The following ZNF638 variants were observed in gnomAD, a reference collection of about 807,000 sequenced individuals.
ZNF638 encodes CTCL tumor antigen se33-1.
In ZNF638, 46 loss-of-function variants were observed where a neutral mutation model predicts 195.6. The ratio of observed to expected loss-of-function variants is 0.24; its 90% CI spans 0.19 to 0.30. ZNF638 has a LOEUF of 0.30. Among genes scored for constraint, ZNF638 ranks in the 10% least tolerant of loss-of-function variants. The pLI is 1.00. For missense variants in ZNF638, 2,440 were observed against 2,325.3 expected, an observed-to-expected ratio of 1.05 and a Z score of -1.01; for synonymous variants, 845 against 772.0, an observed-to-expected ratio of 1.09 and a Z score of -1.57.
At chr2:71,425,164 T>C (rs1291926022) in intron 23 of ZNF638, among the ~76,000 whole-genome samples, 2 of 152,226 alleles carry the variant, frequency 1.3e-5, no homozygotes, top group Non-Finnish European at 2.9e-5. Context: ...TACCAAGTTC[T>C]GTTGTCAAAC....
intron 20 of ZNF638, among the ~76,000 whole-genome samples, chr2:71,410,626 G>C (rs1384483404): frequency 6.6e-6 from 1 of 152,136 alleles, no homozygotes; most frequent in Admixed American, 6.6e-5. Flanking sequence ...TTTTAGTGGA[G>C]GAGATAGACT....
chr2:71,335,093 C>CT (rs1247489118), intron 1 of ZNF638, among the ~76,000 whole-genome samples: 1 of 152,176 alleles, frequency 6.6e-6, no homozygotes, highest in Non-Finnish European at 1.5e-5. Context: ...CACTCTTTCT[C>CT]TAAGGCCACC....
At chr2:71,406,421 C>T (rs2080106581) in intron 19 of ZNF638, among the ~76,000 whole-genome samples, 159 bp downstream of exon 19, 1 of 152,060 alleles carries the variant, frequency 6.6e-6, no homozygotes, top group African/African-American at 2.4e-5. Flanking sequence ...TTGGACTGGG[C>T]CGAGAAAGAA....
Position 71,396,201 on chromosome 2 carries a change from T to G in ZNF638, c.2428+10T>G, listed in dbSNP as rs1217252531. 6 of 1,608,722 alleles carry G rather than the reference T, an allele frequency of 3.7e-6. No individual in the cohort carries two copies. Among genetic ancestry groups the G allele is most frequent in the Non-Finnish European group, 5.1e-6 (6 of 1,177,616 alleles). Reference sequence around the variant, plus strand: ...GTAAACAAATCTACAGGTATGTTTTTTTAATTAGGATTCTAGACTATTAGT... The same window carrying G: ...GTAAACAAATCTACAGGTATGTTTTGTTAATTAGGATTCTAGACTATTAGT... On this transcript the variant is annotated intron_variant, in intron 11 of 27. Transcript: ENST00000264447.
In ZNF638 at chr2:71,426,721, C is replaced by G. The variant is rs749495882; in HGVS notation, c.4852C>G (p.Leu1618Val). The G allele has an allele frequency of 2.5e-6, 4 of 1,614,112 alleles. No homozygotes were observed. Among genetic ancestry groups the G allele is most frequent in the African/African-American group, 1.3e-5 (1 of 75,024 alleles). ...EDAAAHLAQA[L>V]VTVDEVIDEE... The stretch of plus-strand genomic sequence containing the variant: ...TGCAGCTGCACATCTAGCACAAGCT[C>G]TAGTCACTGTGGATGAAGTAATTGA... Residue 1618 changes from leucine to valine, a missense_variant, in exon 24 of 28, where the codon CTA becomes GTA. Leu to Val is a conservative substitution (Grantham distance 32). Coordinates refer to ENST00000264447, the MANE Select transcript of ZNF638 (RefSeq NM_014497.5).
chr2:71,368,581 T>C (rs2079248587), intron 7 of ZNF638, 53 bp downstream of exon 7: 2 of 1,587,126 alleles, frequency 1.3e-6, no homozygotes, highest in South Asian at 1.1e-5. Flanking sequence ...GCTTTAATGA[T>C]TCTATAAATT....
Position 71,400,101 on chromosome 2 carries a change from A to G in ZNF638, c.2588-11A>G, listed in dbSNP as rs369488594. On this transcript the variant is annotated splice_polypyrimidine_tract_variant and intron_variant, in intron 13 of 27. Transcript: ENST00000264447. ...TTTTACTAGACTATTAAAGCAGACT[A>G]TTTCATGCAGAAAACTCTGAAATAA... 21 of 1,597,030 alleles carry G rather than the reference A, an allele frequency of 1.3e-5. No homozygotes were observed. The highest frequency in any genetic ancestry group is 4.1e-5 in the African/African-American group (3 of 73,982).
intron 10 of ZNF638, among the ~76,000 whole-genome samples, chr2:71,386,970 C>A (rs2079654445): frequency 2.0e-5 from 3 of 151,946 alleles, no homozygotes; most frequent in African/African-American, 7.3e-5. Flanking sequence ...ACCTCATCCT[C>A]CTGAGTAGCT....
At chr2:71,356,791 A>G (rs1342672420) in intron 3 of ZNF638, among the ~76,000 whole-genome samples, 1 of 152,022 alleles carries the variant, frequency 6.6e-6, no homozygotes, top group Non-Finnish European at 1.5e-5. Flanking sequence ...AAAAAAAAAA[A>G]AAATTTTTTT....
chr2:71,423,587 T>C lies in ZNF638; in HGVS notation c.4073T>C (p.Leu1358Ser). Residue 1358 changes from leucine to serine, a missense_variant, in exon 22 of 28, where the codon TTA becomes TCA. Transcript: ENST00000264447. ...AAAGAAAAGCCTGCAGAAAACACTT[T>C]ATTCAAGGCATACCCAAATAAAGGA... The part of the protein sequence containing the change: ...AMKEKPAENT[L>S]FKAYPNKGVG... 1 of 1,614,036 alleles carries C rather than the reference T, an allele frequency of 6.2e-7. No homozygotes were observed. Among genetic ancestry groups the C allele is most frequent in the Non-Finnish European group, 8.5e-7 (1 of 1,180,016 alleles).
chr2:71,432,534 A>T (rs1035379627), intron 26 of ZNF638, among the ~76,000 whole-genome samples: 6 of 152,128 alleles, frequency 3.9e-5, no homozygotes, highest in African/African-American at 1.4e-4. Flanking sequence ...GTTCTTATCT[A>T]ATGACTTGGT....
At chr2:71,350,301 T>C (rs2078918623) in intron 2 of ZNF638, 30 bp downstream of exon 2, 1 of 1,578,418 alleles carries the variant, frequency 6.3e-7, no homozygotes. Context: ...GATCACTGTA[T>C]AATGATGCTC....
chr2:71,411,057 G>T (rs1463050712), intron 20 of ZNF638, among the ~76,000 whole-genome samples: 1 of 142,798 alleles, frequency 7.0e-6, no homozygotes, highest in African/African-American at 2.6e-5. Context: ...GAGTGCAGTG[G>T]CGTGACCTCG....
chr2:71,349,315 G>T lies in ZNF638; in HGVS notation c.361G>T (p.Val121Leu), dbSNP rs200279719. Residue 121 changes from valine to leucine, a missense_variant, in exon 2 of 28, where the codon GTA becomes TTA. Coordinates refer to ENST00000264447, the MANE Select transcript of ZNF638 (RefSeq NM_014497.5). ...ATCAGTGGCAGTGAAACAGAGTTCT[G>T]TAACACAGGTTACAGAGCAGAGTCC... Reference protein sequence around the residue: ...SASVAVKQSSVTQVTEQSPKV... With the variant: ...SASVAVKQSSLTQVTEQSPKV... 1 of 1,614,188 alleles carries T rather than the reference G, an allele frequency of 6.2e-7. No individual in the cohort carries two copies. Among genetic ancestry groups the T allele is most frequent in the South Asian group, 1.1e-5 (1 of 91,084 alleles).
At chr2:71,418,468 G>A (rs2080351590) in intron 20 of ZNF638, 134 bp from the exon 21 acceptor site, 1 of 559,836 alleles carries the variant, frequency 1.8e-6, no homozygotes, top group Non-Finnish European at 2.9e-6. Context: ...TGTAGACACT[G>A]AAAACTAGCT....
At chr2:71,389,342 C>T (rs773267029) in intron 10 of ZNF638, among the ~76,000 whole-genome samples, 27 of 152,152 alleles carry the variant, frequency 1.8e-4, no homozygotes, top group African/African-American at 6.5e-4. Context: ...TTTCTTTTGA[C>T]GCTTATAAAG....
chr2:71,420,013 G>GA (rs1160189100), intron 21 of ZNF638, among the ~76,000 whole-genome samples: 3 of 95,464 alleles, frequency 3.1e-5, no homozygotes, highest in African/African-American at 8.8e-5. Flanking sequence ...TAACATTAGA[G>GA]AAAAAGATGT....
At chr2:71,366,702 C>T (rs562142602) in intron 6 of ZNF638, among the ~76,000 whole-genome samples, 1 of 152,124 alleles carries the variant, frequency 6.6e-6, no homozygotes, top group African/African-American at 2.4e-5. Context: ...TGAGCCTCTC[C>T]TGAGAATTGA....
At chr2:71,362,068 A>G (rs1302473646) in intron 3 of ZNF638, among the ~76,000 whole-genome samples, 1 of 152,188 alleles carries the variant, frequency 6.6e-6, no homozygotes, top group Admixed American at 6.5e-5. Flanking sequence ...TATAATCAGC[A>G]TGTCCAGATG....
Sources: allele counts gnomAD v4.1 joint callset (sites outside exome capture counted in the v4.1 genomes callset), GRCh38; gene constraint gnomAD v4.1.1; transcripts MANE v1.5; gene names NCBI Gene and HGNC (gene_info 2026-07-23, HGNC 2026-07-21).